Variants in NSD2 observed in about 807,000 individuals in gnomAD.
NSD2 encodes the protein histone-lysine N-methyltransferase NSD2.
A neutral mutation model predicts 139.0 loss-of-function variants in NSD2; 12 were observed. That is an observed-to-expected ratio of 0.09 (90% CI 0.06 to 0.14). NSD2 has a LOEUF of 0.14. Among genes scored for constraint, NSD2 ranks in the 10% least tolerant of loss-of-function variants. NSD2 has a pLI of 1.00. For missense variants in NSD2, 1,155 were observed against 1,745.0 expected (o/e 0.66, Z 6.02); for synonymous variants, 669 against 648.7 (o/e 1.03, Z -0.48).
intron 9 of NSD2, chr4:1,945,073 G>A: frequency 9.4e-7 from 1 of 1,066,244 alleles, no homozygotes; most frequent in East Asian, 5.0e-5. Flanking sequence ...CTGTCCCACT[G>A]CTGCTTCTTG....
intron 5 of NSD2, among the ~76,000 whole-genome samples, chr4:1,924,737 T>A (rs1720624939): frequency 6.7e-6 from 1 of 149,266 alleles, no homozygotes; most frequent in Admixed American, 6.7e-5. Context: ...ACAGTGAGAC[T>A]CTCATCTCTA....
Position 1,978,564 on chromosome 4 carries a change from C to T in NSD2, c.3827-74C>T, listed in dbSNP as rs569368414. ...TTCATTTGACCTGACAGTTGTAAGT[C>T]ATCTTCAACCACGATAATGTTGAAG... On this transcript the variant is annotated intron_variant, in intron 21 of 21. Coordinates refer to ENST00000508803, the MANE Select transcript of NSD2 (RefSeq NM_001042424.3). The T allele has an allele frequency of 3.9e-6, 6 of 1,536,944 alleles. No individual in the cohort carries two copies. The East Asian group carries it at 1.1e-4, about 29-fold the overall frequency.
intron 8 of NSD2, among the ~76,000 whole-genome samples, chr4:1,938,973 T>C (rs1433959140): frequency 6.6e-6 from 1 of 152,168 alleles, no homozygotes; most frequent in Non-Finnish European, 1.5e-5. Flanking sequence ...GCTTAAAACC[T>C]TTATGAAAAA....
intron 3 of NSD2, among the ~76,000 whole-genome samples, chr4:1,907,380 C>T (rs1429794901): frequency 1.3e-5 from 2 of 152,078 alleles, no homozygotes; most frequent in Non-Finnish European, 2.9e-5. Context: ...AATTTTAATA[C>T]TTTTGTATCT....
At chr4:1,917,967 G>A (rs1719624087) in intron 4 of NSD2, among the ~76,000 whole-genome samples, 174 bp from the exon 5 acceptor site, 2 of 151,532 alleles carry the variant, frequency 1.3e-5, no homozygotes, top group Admixed American at 1.3e-4. Context: ...TTTTAGTAGA[G>A]ATGGGGTTTT....
intron 1 of NSD2, among the ~76,000 whole-genome samples, chr4:1,898,050 C>G (rs558618855): frequency 2.0e-5 from 3 of 152,070 alleles, no homozygotes. Flanking sequence ...AACTCCAGAC[C>G]CTTTAATATT....
At chr4:1,971,679 G>C (rs887099813) in intron 18 of NSD2, among the ~76,000 whole-genome samples, 1 of 152,206 alleles carries the variant, frequency 6.6e-6, no homozygotes, top group Non-Finnish European at 1.5e-5. Context: ...CCTGGGACCT[G>C]TGAGGGTGTG....
Position 1,976,015 on chromosome 4 carries a change from TCGGCCCTGAGC to T in NSD2, c.3622-456_3622-446del, listed in dbSNP as rs1454582120. Among the ~76,000 whole-genome samples the T allele has an allele frequency of 6.6e-6, 1 of 152,122 alleles. No homozygotes were observed. The highest frequency in any genetic ancestry group is 2.4e-5 in the African/African-American group (1 of 41,408). ...CTGAAAGCCTGGCGGTGGCACCAGC[TCGGCCCTGAGC>T]CGGTGTCTGTCCTCAGCCGTGTTGC... On this transcript the variant is annotated intron_variant, in intron 20 of 21. Coordinates refer to ENST00000508803, the MANE Select transcript of NSD2 (RefSeq NM_001042424.3). The surrounding 1 kb of genome is among the most constrained non-coding windows in gnomAD (Gnocchi z 5.3).
intron 21 of NSD2, among the ~76,000 whole-genome samples, chr4:1,978,136 A>G (rs1171665334): frequency 4.6e-5 from 7 of 152,170 alleles, no homozygotes; most frequent in Non-Finnish European, 1.0e-4. Flanking sequence ...CAAAAAAAAA[A>G]GAATTCAGAT....
intron 5 of NSD2, among the ~76,000 whole-genome samples, chr4:1,929,575 C>T (rs1216567147): frequency 6.6e-6 from 1 of 152,194 alleles, no homozygotes; most frequent in East Asian, 1.9e-4. Context: ...GCTGTTGTGG[C>T]AGGAAGACAG....
rs1242951758 is a variant in NSD2, at chr4:1,972,249, G to A, written c.3373-2614G>A. Among the ~76,000 whole-genome samples the A allele has an allele frequency of 6.6e-6, 1 of 152,216 alleles. No individual in the cohort carries two copies. Among genetic ancestry groups the A allele is most frequent in the African/African-American group, 2.4e-5 (1 of 41,458 alleles). ...AGGCTTCTGTGGAAAGTTCGGCAGT[G>A]TCACTGACGGACACAAGAGATGATA... is the stretch of plus-strand genomic sequence containing the variant. On this transcript the variant is annotated intron_variant, in intron 18 of 21. Transcript: ENST00000508803. This position sits in a 1 kb window ranked among gnomAD's most constrained non-coding sequence, Gnocchi z 4.0.
intron 9 of NSD2, 46 bp downstream of exon 9, chr4:1,939,824 C>T (rs1577498299): frequency 6.2e-7 from 1 of 1,613,284 alleles, no homozygotes; most frequent in Non-Finnish European, 8.5e-7. Flanking sequence ...GTATGAAGGC[C>T]ATTTAGCTGC....
In NSD2 at chr4:1,978,981, C is replaced by CAT; in HGVS notation, c.*73_*74dup. ...GGCCCTGCCTGCGGGAGAGGGCGAG[C>CAT]ATGAACTGGCCCGGAGGACCCAGCT... On this transcript the variant is annotated 3_prime_UTR_variant, in exon 22 of 22. Coordinates refer to ENST00000508803, the MANE Select transcript of NSD2 (RefSeq NM_001042424.3). The CAT allele has an allele frequency of 7.0e-7, 1 of 1,434,302 alleles. No homozygotes were observed. 88.8% of individuals were successfully genotyped at this position (1,434,302 alleles called of 1,614,324 possible). A position where few individuals can be genotyped will look rare whatever the true frequency, so the allele number is the denominator to read the frequency against.
chr4:1,895,961 G>A lies in NSD2; in HGVS notation c.-29-4665G>A, dbSNP rs533778699. On this transcript the variant is annotated intron_variant, in intron 1 of 21. Transcript: ENST00000508803. ...CACTGTGACCACAGACACTCACCTG[G>A]TGATGAGGAAGTCCTCTGCCTGGTG... Among the ~76,000 whole-genome samples, 22 of 152,340 alleles carry A rather than the reference G, an allele frequency of 1.4e-4. No individual in the cohort carries two copies. The South Asian group carries it at 4.6e-3, about 32-fold the overall frequency.
At chr4:1,893,056 A>G (rs1193459505) in intron 1 of NSD2, among the ~76,000 whole-genome samples, 1 of 152,226 alleles carries the variant, frequency 6.6e-6, no homozygotes, top group Non-Finnish European at 1.5e-5. Context: ...GCACTTCTCC[A>G]GTACCAATCT....
In NSD2 at chr4:1,955,427, G is replaced by A. The variant is rs2108957499; in HGVS notation, c.2518+87G>A. ...GGCAGGCTCATTCCTTGTCTGCGCT[G>A]TGTTCATTGATGTTGACAGTGTTCT... is the stretch of plus-strand genomic sequence containing the variant. On this transcript the variant is annotated intron_variant, in intron 13 of 21. Coordinates refer to ENST00000508803, the MANE Select transcript of NSD2 (RefSeq NM_001042424.3). This position sits in a 1 kb window ranked among gnomAD's most constrained non-coding sequence, Gnocchi z 4.7. The A allele has an allele frequency of 1.4e-6, 2 of 1,470,942 alleles. No homozygotes were observed. Among genetic ancestry groups the A allele is most frequent in the Non-Finnish European group, 1.8e-6 (2 of 1,102,102 alleles). 91.1% of individuals were successfully genotyped at this position (1,470,942 alleles called of 1,614,324 possible). A position where few individuals can be genotyped will look rare whatever the true frequency, so the allele number is the denominator to read the frequency against.
rs973899084 is a variant in NSD2, at chr4:1,900,589, G to C, written c.-29-37G>C. The C allele has an allele frequency of 3.6e-6, 5 of 1,398,196 alleles. No individual in the cohort carries two copies. The African/African-American group carries it at 5.8e-5, about 16-fold the overall frequency. The allele number at this position is 1,398,196 out of a possible 1,614,324, so 86.6% of individuals were successfully genotyped here. On this transcript the variant is annotated intron_variant, in intron 1 of 21. Coordinates refer to ENST00000508803, the MANE Select transcript of NSD2 (RefSeq NM_001042424.3). ...CCTATCCTAGGTTTTAAATGTAATT[G>C]CTTTTTCTTTCTTTTTTCTTTTTTT...
chr4:1,952,496 T>G (rs1724378511), intron 11 of NSD2, among the ~76,000 whole-genome samples: 1 of 152,218 alleles, frequency 6.6e-6, no homozygotes, highest in South Asian at 2.1e-4. Context: ...TGACAGGTCA[T>G]GGGCTTTTCA....
At chr4:1,911,711 A>G (rs770225758) in intron 3 of NSD2, among the ~76,000 whole-genome samples, 1 of 151,994 alleles carries the variant, frequency 6.6e-6, no homozygotes, top group Non-Finnish European at 1.5e-5. Context: ...ACAGTGAGAT[A>G]TTCACCTCTC....
Sources: gnomAD v4.1 joint callset for allele counts (sites outside exome capture counted in the v4.1 genomes callset) on GRCh38, gnomAD v4.1.1 for gene constraint, Gnocchi (gnomAD v3.1) non-coding constraint, MANE v1.5 for transcripts, NCBI Gene and HGNC (gene_info 2026-07-23, HGNC 2026-07-21) for gene names.